The following CLXN variants were observed in gnomAD, a reference collection of about 807,000 sequenced individuals.
The protein encoded by CLXN is EF-hand calcium binding domain 1.
the CLXN span, among the ~76,000 whole-genome samples, chr8:48,726,347 T>C: frequency 7.2e-6 from 1 of 139,446 alleles, no homozygotes; most frequent in African/African-American, 2.7e-5. Flanking sequence ...CATCCACCCA[T>C]CCACCCACTC....
At chr8:48,721,379 TACCCA>T in the CLXN span, among the ~76,000 whole-genome samples, 1 of 145,474 alleles carries the variant, frequency 6.9e-6, no homozygotes, top group African/African-American at 2.9e-5. Context: ...ATGTTCATAC[TACCCA>T]AAGTGATGTA....
the CLXN span, among the ~76,000 whole-genome samples, chr8:48,733,455 T>G: frequency 6.6e-6 from 1 of 152,214 alleles, no homozygotes; most frequent in Non-Finnish European, 1.5e-5. Flanking sequence ...TGTAGAACAG[T>G]GCATGAACTA....
At chr8:48,729,228 TAA>T in the CLXN span, 1 of 1,172,028 alleles carries the variant, frequency 8.5e-7, no homozygotes, top group Non-Finnish European at 1.2e-6. Context: ...AGTGTTAATT[TAA>T]AAAAATGTGC....
At chr8:48,714,136 C>T in the CLXN span, among the ~76,000 whole-genome samples, 15 of 152,124 alleles carry the variant, frequency 9.9e-5, no homozygotes, top group South Asian at 4.1e-4. Context: ...CTGTACTTAG[C>T]GGGGAGAAAA....
the CLXN span, among the ~76,000 whole-genome samples, chr8:48,730,912 T>C: frequency 6.2e-4 from 94 of 152,244 alleles, no homozygotes; most frequent in Non-Finnish European, 1.1e-3. Flanking sequence ...AATATGTTGC[T>C]ATAAAATATG....
At chr8:48,731,347 C>CATAATCATGT in the CLXN span, 1 of 1,605,478 alleles carries the variant, frequency 6.2e-7, no homozygotes, top group Non-Finnish European at 8.5e-7. Flanking sequence ...GTGTCTCTTA[C>CATAATCATGT]CTCTGTCCAT....
At chr8:48,729,044 T>C in the CLXN span, 1 of 1,607,658 alleles carries the variant, frequency 6.2e-7, no homozygotes, top group Non-Finnish European at 8.5e-7. Flanking sequence ...ATCAATACCT[T>C]TGGATCAGGA....
chr8:48,725,941 G>A, the CLXN span, among the ~76,000 whole-genome samples: 1 of 151,986 alleles, frequency 6.6e-6, no homozygotes, highest in African/African-American at 2.4e-5. Flanking sequence ...TGAGGAGATG[G>A]AGAGATCCAG....
At chr8:48,724,174 T>G in the CLXN span, 5 of 152,176 alleles carry the variant, frequency 3.3e-5, no homozygotes, top group Admixed American at 2.6e-4. Context: ...GTAACGTTAT[T>G]TAGCCAAAGC....
the CLXN span, among the ~76,000 whole-genome samples, chr8:48,717,011 C>T: frequency 3.3e-5 from 5 of 152,000 alleles, no homozygotes; most frequent in Non-Finnish European, 7.4e-5. Context: ...ACTAAAAATA[C>T]AAAATCAGCC....
the CLXN span, chr8:48,734,479 T>C: frequency 2.6e-5 from 4 of 152,204 alleles, no homozygotes; most frequent in African/African-American, 7.2e-5. Context: ...CCTTTATCTT[T>C]CAACACCAGG....
chr8:48,729,013 T>C, the CLXN span: 1 of 1,544,480 alleles, frequency 6.5e-7, no homozygotes. Flanking sequence ...TCTACTTTGA[T>C]TACCGTTCAG....
the CLXN span, among the ~76,000 whole-genome samples, chr8:48,712,931 C>G: frequency 7.0e-6 from 1 of 141,902 alleles, no homozygotes; most frequent in South Asian, 2.2e-4. Flanking sequence ...ATCTGGGAGG[C>G]AGAGGTTGCA....
chr8:48,729,061 G>A, the CLXN span: 5 of 1,611,148 alleles, frequency 3.1e-6, no homozygotes, highest in Non-Finnish European at 3.4e-6. Context: ...AGGAAGACAT[G>A]GCCCAAAGGC....
chr8:48,734,988 G>A, the CLXN span: 1 of 1,320,714 alleles, frequency 7.6e-7, no homozygotes, highest in Non-Finnish European at 1.1e-6. Context: ...GTAGCCCACA[G>A]AGTCCCAGCA....
chr8:48,733,058 C>T, the CLXN span, among the ~76,000 whole-genome samples: 3 of 151,966 alleles, frequency 2.0e-5, no homozygotes, highest in Non-Finnish European at 4.4e-5. Context: ...GTACTTAATG[C>T]CATGAAATTA....
chr8:48,734,373 C>G, the CLXN span, among the ~76,000 whole-genome samples: 1 of 152,300 alleles, frequency 6.6e-6, no homozygotes, highest in East Asian at 1.9e-4. Context: ...TGAATATAAA[C>G]TCAAAGTTTC....
the CLXN span, among the ~76,000 whole-genome samples, chr8:48,714,585 G>A: frequency 6.6e-6 from 1 of 152,118 alleles, no homozygotes. Context: ...AAAAGTTTAG[G>A]TACAGATGTC....
the CLXN span, among the ~76,000 whole-genome samples, chr8:48,717,892 A>G: frequency 6.6e-6 from 1 of 152,204 alleles, no homozygotes; most frequent in African/African-American, 2.4e-5. Flanking sequence ...AAAAATACCC[A>G]AAAACAATCA....
Sources: allele counts gnomAD v4.1 joint callset (sites outside exome capture counted in the v4.1 genomes callset), GRCh38; gene constraint gnomAD v4.1.1; transcripts MANE v1.5; gene names NCBI Gene and HGNC (gene_info 2026-07-23, HGNC 2026-07-21).